FBXO25: variants seen among roughly 807,000 people sequenced by gnomAD.
FBXO25 encodes the protein F-box protein 25.
Under a neutral mutation model 51.9 loss-of-function variants are expected in FBXO25, and 45 were observed. That is an observed-to-expected ratio of 0.87 (90% CI 0.68 to 1.11). FBXO25 has a LOEUF of 1.11. Ranked by LOEUF, FBXO25 falls within the 50% of genes most tolerant of loss-of-function variation. FBXO25 has a pLI of 0.00. For missense variants in FBXO25, 507 were observed against 428.5 expected (o/e 1.18, Z -1.62); for synonymous variants, 199 against 151.0 (o/e 1.32, Z -2.33).
intron 5 of FBXO25, among the ~76,000 whole-genome samples, chr8:449,478 T>A (rs563345043): frequency 1.3e-3 from 195 of 152,398 alleles, no homozygotes; most frequent in African/African-American, 4.5e-3. Flanking sequence ...TAATGAGTTT[T>A]TAAATACAAA....
chr8:440,589 T>A (rs563411946), intron 5 of FBXO25, among the ~76,000 whole-genome samples: 34 of 151,898 alleles, frequency 2.2e-4, no homozygotes, highest in East Asian at 1.9e-3. Flanking sequence ...GACTTTTTTT[T>A]AAATTTTTTA....
chr8:421,320 C>G, intron 2 of FBXO25, among the ~76,000 whole-genome samples: 1 of 152,272 alleles, frequency 6.6e-6, no homozygotes, highest in East Asian at 1.9e-4. Context: ...AGAAATTGGT[C>G]CTTGGTGCCA....
intron 8 of FBXO25, among the ~76,000 whole-genome samples, 196 bp from the exon 9 acceptor site, chr8:462,811 G>T (rs553656334): frequency 5.9e-5 from 9 of 152,238 alleles, no homozygotes; most frequent in African/African-American, 2.2e-4. Flanking sequence ...TACTTCTCCA[G>T]TGATGGGAGC....
rs942407991 is a variant in FBXO25, at chr8:464,707, C to T, written c.987+1557C>T. ...CTAAGTGTGGCTTTAAAAATTAATC[C>T]GTGGTTGAGCAGAGAATGTAAAGAT... On this transcript the variant is annotated intron_variant, in intron 9 of 9. Coordinates refer to ENST00000350302, the MANE Select transcript of FBXO25 (RefSeq NM_183420.2). 4.6e-5 allele frequency among the ~76,000 whole-genome samples: 7 copies of T among 152,034 alleles called. No homozygotes were observed. The East Asian group carries it at 5.8e-4, about 13-fold the overall frequency.
At chr8:437,643 C>T (rs187744224) in intron 5 of FBXO25, among the ~76,000 whole-genome samples, 18 of 152,306 alleles carry the variant, frequency 1.2e-4, no homozygotes, top group Admixed American at 1.0e-3. Flanking sequence ...CTGTGTCTTG[C>T]CTTGGATTGG....
At chr8:446,871 G>C (rs578232616) in intron 5 of FBXO25, among the ~76,000 whole-genome samples, 172 of 152,280 alleles carry the variant, frequency 1.1e-3, no homozygotes, top group Middle Eastern at 0.01. Context: ...ATGTGACTTA[G>C]TGATTTCTCA....
At position 431,383 on chromosome 8, in the gene FBXO25, G is replaced by C; in HGVS notation, c.177G>C (p.Glu59Asp). 2.6e-6 allele frequency: 4 copies of C among 1,550,764 alleles called. No individual in the cohort carries two copies. The highest frequency in any genetic ancestry group is 3.5e-6 in the Non-Finnish European group (4 of 1,146,772). ...ATGGAGAAATATTCAATAATGAAGAGCATGAATATGCATCGAAAAAAAGGA... is the reference window on the plus strand; with the variant it reads ...ATGGAGAAATATTCAATAATGAAGACCATGAATATGCATCGAAAAAAAGGA... ...SEDGEIFNNE[E>D]HEYASKKRKK... Residue 59 changes from glutamate to aspartate, a missense_variant, in exon 3 of 10, where the codon GAG (glutamate) becomes GAC (aspartate). By Grantham distance (45) the Glu-to-Asp change is conservative (BLOSUM62 2). Transcript: ENST00000350302.
intron 6 of FBXO25, among the ~76,000 whole-genome samples, chr8:450,452 C>A (rs974692360): frequency 6.6e-6 from 1 of 152,144 alleles, no homozygotes; most frequent in Non-Finnish European, 1.5e-5. Context: ...AATTTTCTTT[C>A]TAATTTAATG....
intron 2 of FBXO25, among the ~76,000 whole-genome samples, chr8:415,998 G>T (rs1796776023): frequency 6.6e-6 from 1 of 152,122 alleles, no homozygotes; most frequent in Non-Finnish European, 1.5e-5. Context: ...ATTTGACAAG[G>T]GAGTGTGTAG....
intron 5 of FBXO25, among the ~76,000 whole-genome samples, chr8:448,880 G>A (rs1363415091): frequency 6.6e-6 from 1 of 152,166 alleles, no homozygotes; most frequent in African/African-American, 2.4e-5. Flanking sequence ...GGATTCCGAA[G>A]GAGAGGGAAT....
At chr8:433,041 TG>T (rs1797907935) in intron 4 of FBXO25, 106 bp downstream of exon 4, 1 of 1,276,798 alleles carries the variant, frequency 7.8e-7, no homozygotes, top group Non-Finnish European at 1.0e-6. Context: ...ACATTTCTTT[TG>T]CAATATCAGA....
At chr8:431,133 A>G (rs1444242057) in intron 2 of FBXO25, among the ~76,000 whole-genome samples, 1 of 152,222 alleles carries the variant, frequency 6.6e-6, no homozygotes, top group African/African-American at 2.4e-5. Context: ...GAGATTCTAA[A>G]ACATGTTCAG....
At chr8:448,375 T>A (rs187425558) in intron 5 of FBXO25, among the ~76,000 whole-genome samples, 23 of 152,324 alleles carry the variant, frequency 1.5e-4, no homozygotes, top group African/African-American at 5.1e-4. Context: ...AAACATGTCG[T>A]CTCTTACTGA....
At chr8:409,696 A>G (rs1796377280) in intron 1 of FBXO25, among the ~76,000 whole-genome samples, 1 of 152,188 alleles carries the variant, frequency 6.6e-6, no homozygotes, top group Non-Finnish European at 1.5e-5. Context: ...TACATAGGAC[A>G]GTCATCCAGA....
At chr8:462,890 C>A in intron 8 of FBXO25, 117 bp from the exon 9 acceptor site, 1 of 1,177,986 alleles carries the variant, frequency 8.5e-7, no homozygotes, top group Non-Finnish European at 1.2e-6. Flanking sequence ...AACCCTAAAG[C>A]TATTGAAGTT....
intron 2 of FBXO25, among the ~76,000 whole-genome samples, chr8:423,096 CTGTG>C (rs1797252416): frequency 1.3e-5 from 2 of 151,806 alleles, no homozygotes; most frequent in African/African-American, 4.8e-5. Context: ...CCCTTCCCTG[CTGTG>C]TTGAGATACC....
In FBXO25 at chr8:435,625, A is replaced by G. The variant is rs758665822; in HGVS notation, c.299A>G (p.Tyr100Cys). ...HKESTKERHG[Y>C]CTLGEAFNRL... ...GTGTTGCTTTTCCAGAGGCATGGCT[A>G]TTGCACCTTGGGAGAAGCCTTTAAT... Residue 100 changes from tyrosine to cysteine, a missense_variant, in exon 5 of 10, where the codon TAT (tyrosine) becomes TGT (cysteine). Transcript: ENST00000350302. The G allele has an allele frequency of 1.9e-6, 3 of 1,605,722 alleles. No individual in the cohort carries two copies. The highest frequency in any genetic ancestry group is 1.1e-5 in the South Asian group (1 of 88,846).
intron 2 of FBXO25, among the ~76,000 whole-genome samples, chr8:418,587 G>T (rs1324983619): frequency 6.6e-6 from 1 of 151,990 alleles, no homozygotes; most frequent in African/African-American, 2.4e-5. Context: ...TGATGCACCC[G>T]CCTCAGCCTC....
chr8:434,903 G>C lies in FBXO25; in HGVS notation c.289-712G>C, dbSNP rs147030202. 8.0e-4 allele frequency among the ~76,000 whole-genome samples: 122 copies of C among 152,224 alleles called. 2 individuals are homozygous for C. In the South Asian group the frequency reaches 0.015, roughly 19 times the overall value. On this transcript the variant is annotated intron_variant, in intron 4 of 9. Transcript: ENST00000350302. Reference sequence around the variant, plus strand: ...TTTCATTTTCTTCCTTCAGTTCTTGGACCTGTGGGTCTAAACACCAGTTTT... The same window carrying C: ...TTTCATTTTCTTCCTTCAGTTCTTGCACCTGTGGGTCTAAACACCAGTTTT...
Sources: gnomAD v4.1 joint callset for allele counts (sites outside exome capture counted in the v4.1 genomes callset) on GRCh38, gnomAD v4.1.1 for gene constraint, MANE v1.5 for transcripts, NCBI Gene and HGNC (gene_info 2026-07-23, HGNC 2026-07-21) for gene names.